Variants in DYRK4 observed in about 807,000 individuals in gnomAD.
DYRK4 encodes the protein dual specificity tyrosine-phosphorylation-regulated kinase 4.
In DYRK4, 64 loss-of-function variants were observed where a neutral mutation model predicts 68.3. The ratio of observed to expected loss-of-function variants is 0.94; its 90% CI spans 0.77 to 1.15. The LOEUF (loss-of-function observed/expected upper bound fraction) is 1.15, where lower values mean the gene tolerates loss of function less well. DYRK4 is among the 50% of genes most tolerant of loss of function. The pLI is 0.00. For synonymous variants in DYRK4, 274 were observed against 289.9 expected, an observed-to-expected ratio of 0.95 and a Z score of 0.56; for missense variants, 740 against 764.7, an observed-to-expected ratio of 0.97 and a Z score of 0.38.
At chr12:4,578,718 G>A (rs1283079381) in intron 2 of DYRK4, among the ~76,000 whole-genome samples, 1 of 152,082 alleles carries the variant, frequency 6.6e-6, no homozygotes, top group Admixed American at 6.5e-5. Context: ...GTCTTGTTTT[G>A]TGGAAAAGCC....
intron 10 of DYRK4, 142 bp from the exon 11 acceptor site, chr12:4,604,772 T>C (rs56342853): frequency 0.031 from 28,518 of 932,444 alleles, 577 homozygotes; most frequent in African/African-American, 0.073. Context: ...GATGGTGTAA[T>C]GGGAGTTCTA....
chr12:4,586,303 T>A (rs1392535549), intron 2 of DYRK4, among the ~76,000 whole-genome samples: 1 of 152,202 alleles, frequency 6.6e-6, no homozygotes. Flanking sequence ...AGCACCCCCC[T>A]GCTCTGGACC....
chr12:4,592,773 C>T (rs66659476), intron 5 of DYRK4: 17,144 of 463,928 alleles, frequency 0.037, 1,241 homozygotes, highest in African/African-American at 0.19. Context: ...GCTCTCTGTT[C>T]CCCTGTCCTT....
At chr12:4,577,240 G>A (rs1432480834) in intron 2 of DYRK4, among the ~76,000 whole-genome samples, 1 of 152,076 alleles carries the variant, frequency 6.6e-6, no homozygotes, top group Non-Finnish European at 1.5e-5. Flanking sequence ...TGCCAGCACT[G>A]TTTTTGTTTG....
At chr12:4,605,611 A>G (rs113316250) in intron 11 of DYRK4, among the ~76,000 whole-genome samples, 1 of 152,050 alleles carries the variant, frequency 6.6e-6, no homozygotes, top group African/African-American at 2.4e-5. Context: ...ATGTGTAAAA[A>G]TTTCTTTCTG....
chr12:4,573,835 T>G (rs1457167762), intron 2 of DYRK4, among the ~76,000 whole-genome samples: 1 of 152,178 alleles, frequency 6.6e-6, no homozygotes, highest in Non-Finnish European at 1.5e-5. Context: ...TTTATTATTG[T>G]GTTGAGTATA....
chr12:4,579,078 C>T (rs1944815576), intron 2 of DYRK4, among the ~76,000 whole-genome samples: 1 of 152,060 alleles, frequency 6.6e-6, no homozygotes, highest in African/African-American at 2.4e-5. Context: ...AGATTGAGAC[C>T]ATCCTGGCCA....
At chr12:4,605,382 A>G (rs775968498) in intron 11 of DYRK4, among the ~76,000 whole-genome samples, 6 of 152,368 alleles carry the variant, frequency 3.9e-5, no homozygotes, top group Non-Finnish European at 7.3e-5. Context: ...AAAAGAATGC[A>G]AAACCAGACG....
intron 4 of DYRK4, chr12:4,590,909 T>C (rs969444724): frequency 2.1e-6 from 1 of 483,962 alleles, no homozygotes; most frequent in East Asian, 3.1e-5. Flanking sequence ...CTTCCCATAG[T>C]GAGATGTTGC....
At chr12:4,606,973 C>T (rs1367696979) in intron 11 of DYRK4, among the ~76,000 whole-genome samples, 1 of 152,220 alleles carries the variant, frequency 6.6e-6, no homozygotes, top group Non-Finnish European at 1.5e-5. Context: ...CTTTCCAGTG[C>T]TCCATGGTGG....
intron 2 of DYRK4, among the ~76,000 whole-genome samples, chr12:4,573,580 C>A (rs1944754372): frequency 6.6e-6 from 1 of 152,056 alleles, no homozygotes; most frequent in Non-Finnish European, 1.5e-5. Flanking sequence ...ATCAGTTCGA[C>A]GTTGAAGGTG....
chr12:4,612,879 C>A lies in DYRK4; in HGVS notation c.1666+161C>A, dbSNP rs114780785. 1,695 of 731,374 alleles carry A rather than the reference C, an allele frequency of 2.3e-3. 21 individuals are homozygous for A. The African/African-American group carries it at 0.026, about 11-fold the overall frequency. The allele number at this position is 731,374 out of a possible 1,614,324, so 45.3% of individuals were successfully genotyped here. On this transcript the variant is annotated intron_variant, in intron 14 of 14. Coordinates refer to ENST00000543431, the MANE Select transcript of DYRK4 (RefSeq NM_001394779.1). The stretch of plus-strand genomic sequence containing the variant: ...TGTTTAATATGCTGTTTAAGCATTT[C>A]TGAAGGATTTGCATGTCAATTTCTC...
chr12:4,571,523 C>T (rs557526512), intron 2 of DYRK4, among the ~76,000 whole-genome samples: 3 of 152,106 alleles, frequency 2.0e-5, no homozygotes, highest in South Asian at 2.1e-4. Context: ...TCCAAAGACT[C>T]GGTGTGAAAA....
At chr12:4,576,572 C>T (rs909948898) in intron 2 of DYRK4, among the ~76,000 whole-genome samples, 12 of 152,168 alleles carry the variant, frequency 7.9e-5, no homozygotes, top group African/African-American at 2.7e-4. Context: ...CTATATTTAG[C>T]TTCATAAGAA....
At chr12:4,607,869 A>G (rs1003424336) in intron 12 of DYRK4, among the ~76,000 whole-genome samples, 2 of 152,158 alleles carry the variant, frequency 1.3e-5, no homozygotes, top group Non-Finnish European at 2.9e-5. Flanking sequence ...TTCATTGCCA[A>G]TGGTTAAGCA....
chr12:4,568,119 G>A (rs1944694912), intron 2 of DYRK4, 71 bp downstream of exon 2: 2 of 1,363,534 alleles, frequency 1.5e-6, no homozygotes, highest in Non-Finnish European at 1.0e-6. Flanking sequence ...AGGACCCAGT[G>A]CTGATGGTTG....
chr12:4,600,055 G>A lies in DYRK4; in HGVS notation c.1126+267G>A, dbSNP rs571356231. On this transcript the variant is annotated intron_variant, in intron 10 of 14. Coordinates refer to ENST00000543431, the MANE Select transcript of DYRK4 (RefSeq NM_001394779.1). ...CAGTGAGCCCCAAAACTAACTAACT[G>A]TGTATCTGAATTGCTTTGGGGCTCT... is the stretch of plus-strand genomic sequence containing the variant. Among the ~76,000 whole-genome samples, 4 of 152,254 alleles carry A rather than the reference G, an allele frequency of 2.6e-5. No individual in the cohort carries two copies. In the South Asian group the frequency reaches 6.2e-4, roughly 24 times the overall value.
intron 3 of DYRK4, 144 bp downstream of exon 3, chr12:4,589,161 C>A: frequency 1.5e-6 from 1 of 647,234 alleles, no homozygotes; most frequent in Non-Finnish European, 2.6e-6. Context: ...CGTCACCACA[C>A]CCCATCTCCA....
intron 6 of DYRK4, among the ~76,000 whole-genome samples, chr12:4,594,373 G>A (rs181172077): frequency 5.9e-5 from 9 of 152,200 alleles, no homozygotes; most frequent in Admixed American, 2.6e-4. Flanking sequence ...ACAGGCGCCC[G>A]CCACCACGCC....
Sources: allele counts gnomAD v4.1 joint callset (sites outside exome capture counted in the v4.1 genomes callset), GRCh38; gene constraint gnomAD v4.1.1; transcripts MANE v1.5; gene names NCBI Gene and HGNC (gene_info 2026-07-23, HGNC 2026-07-21).